The following CSNK1G1 variants were observed in gnomAD, a reference collection of about 807,000 sequenced individuals.
CSNK1G1 encodes casein kinase 1 gamma 1.
In CSNK1G1, 22 loss-of-function variants were observed where a neutral mutation model predicts 59.6. The ratio of observed to expected loss-of-function variants is 0.37; its 90% confidence interval spans 0.26 to 0.53. CSNK1G1 has a LOEUF of 0.53. CSNK1G1 is among the 20% of genes least tolerant of loss of function. CSNK1G1 has a pLI of 0.89. For missense variants in CSNK1G1, 384 were observed against 519.5 expected, an observed-to-expected ratio of 0.74 and a Z score of 2.54; for synonymous variants, 179 against 177.1, an observed-to-expected ratio of 1.01 and a Z score of -0.08.
chr15:64,270,027 G>C (rs1430847636), intron 2 of CSNK1G1, among the ~76,000 whole-genome samples: 1 of 152,006 alleles, frequency 6.6e-6, no homozygotes, highest in Non-Finnish European at 1.5e-5. Flanking sequence ...GGCTGGTCTT[G>C]AACTCCTGAC....
intron 7 of CSNK1G1, among the ~76,000 whole-genome samples, chr15:64,206,310 T>G (rs1311365082): frequency 6.6e-6 from 1 of 151,954 alleles, no homozygotes. Context: ...TGTGGTGGCG[T>G]GTGCCTGTAG....
intron 2 of CSNK1G1, among the ~76,000 whole-genome samples, chr15:64,262,338 G>A (rs1044391932): frequency 2.0e-5 from 3 of 152,238 alleles, no homozygotes; most frequent in East Asian, 1.9e-4. Context: ...TGGATACGGA[G>A]GGTAGTGAAT....
At chr15:64,198,247 T>G (rs928054077) in intron 10 of CSNK1G1, among the ~76,000 whole-genome samples, 11 of 142,818 alleles carry the variant, frequency 7.7e-5, no homozygotes, top group Admixed American at 3.0e-4. Flanking sequence ...CCGGCTGGAG[T>G]GCAGTGGCAC....
intron 4 of CSNK1G1, among the ~76,000 whole-genome samples, chr15:64,239,806 CCAAA>C (rs1797799987): frequency 1.3e-5 from 2 of 152,040 alleles, no homozygotes; most frequent in East Asian, 1.9e-4. Context: ...TAGAAAAGAA[CCAAA>C]CAGATTTCCC....
At chr15:64,263,822 C>CAAAAAA (rs869123397) in intron 2 of CSNK1G1, among the ~76,000 whole-genome samples, 3 of 53,804 alleles carry the variant, frequency 5.6e-5, no homozygotes, top group Non-Finnish European at 9.8e-5. Context: ...TTTTGTTTAC[C>CAAAAAA]AAAAAAAAAA....
intron 6 of CSNK1G1, 42 bp from the exon 7 acceptor site, chr15:64,207,636 A>G: frequency 6.6e-7 from 1 of 1,507,268 alleles, no homozygotes; most frequent in Non-Finnish European, 9.2e-7. Flanking sequence ...TGCAGTTATT[A>G]AAGCAGAAAG....
intron 10 of CSNK1G1, among the ~76,000 whole-genome samples, chr15:64,186,444 A>C (rs1329200351): frequency 6.6e-6 from 1 of 152,206 alleles, no homozygotes; most frequent in Non-Finnish European, 1.5e-5. Context: ...CTGATAACAC[A>C]CATCCTCATG....
At chr15:64,278,410 GTGTGTGTGTATATATA>G (rs1893901854) in intron 2 of CSNK1G1, among the ~76,000 whole-genome samples, 3 of 114,934 alleles carry the variant, frequency 2.6e-5, no homozygotes, top group African/African-American at 8.7e-5. Context: ...GTGTGTGTGT[GTGTGTGTGTATATATA>G]TATATATTTT....
At chr15:64,224,885 TG>T (rs1265340194) in intron 4 of CSNK1G1, among the ~76,000 whole-genome samples, 1 of 152,112 alleles carries the variant, frequency 6.6e-6, no homozygotes, top group Non-Finnish European at 1.5e-5. Flanking sequence ...TAATTATGAA[TG>T]CCTTGAGCCT....
intron 2 of CSNK1G1, among the ~76,000 whole-genome samples, chr15:64,272,392 A>G (rs1893365303): frequency 6.6e-6 from 1 of 151,468 alleles, no homozygotes; most frequent in Non-Finnish European, 1.5e-5. Flanking sequence ...ATTTTTTTGT[A>G]TTTTTTAGTA....
intron 4 of CSNK1G1, among the ~76,000 whole-genome samples, chr15:64,221,978 T>C (rs1297901501): frequency 6.6e-6 from 1 of 152,126 alleles, no homozygotes; most frequent in African/African-American, 2.4e-5. Flanking sequence ...CATGCACATG[T>C]ATGTTTACTG....
intron 7 of CSNK1G1, among the ~76,000 whole-genome samples, chr15:64,205,605 A>G (rs2082166831): frequency 6.6e-6 from 1 of 152,242 alleles, no homozygotes; most frequent in Non-Finnish European, 1.5e-5. Flanking sequence ...GTCAGGCTTT[A>G]CCTAGCTTGC....
chr15:64,307,121 T>G (rs1487106227), intron 1 of CSNK1G1, among the ~76,000 whole-genome samples: 1 of 152,140 alleles, frequency 6.6e-6, no homozygotes, highest in Non-Finnish European at 1.5e-5. Flanking sequence ...GTGTAATACA[T>G]TCTATCTAAT....
At chr15:64,179,926 C>T (rs1416598872) in intron 11 of CSNK1G1, 2 of 165,268 alleles carry the variant, frequency 1.2e-5, no homozygotes, top group Non-Finnish European at 2.7e-5. Context: ...CAAAATGGCC[C>T]TGAACTCCTT....
intron 10 of CSNK1G1, among the ~76,000 whole-genome samples, chr15:64,199,250 C>CA (rs56819260): frequency 0.11 from 5,602 of 52,140 alleles, 672 homozygotes; most frequent in African/African-American, 0.31. Flanking sequence ...AATCTTTTCT[C>CA]AAAAAAAAAA....
chr15:64,198,962 A>T (rs1473776312), intron 10 of CSNK1G1, among the ~76,000 whole-genome samples: 1 of 151,844 alleles, frequency 6.6e-6, no homozygotes, highest in African/African-American at 2.4e-5. Flanking sequence ...CTCTAAAATT[A>T]AAAAAATAGG....
At chr15:64,245,325 G>T (rs904587561) in intron 4 of CSNK1G1, among the ~76,000 whole-genome samples, 23 of 152,082 alleles carry the variant, frequency 1.5e-4, no homozygotes, top group Non-Finnish European at 2.9e-5. Flanking sequence ...TAGAATAAGA[G>T]AAAATATAAT....
intron 4 of CSNK1G1, among the ~76,000 whole-genome samples, chr15:64,228,075 TC>T (rs1399826892): frequency 3.9e-5 from 6 of 152,094 alleles, no homozygotes; most frequent in Non-Finnish European, 5.9e-5. Flanking sequence ...CCTTTTGGCT[TC>T]CCTTATTTTT....
chr15:64,273,639 G>A (rs938759158), intron 2 of CSNK1G1, among the ~76,000 whole-genome samples: 1 of 151,826 alleles, frequency 6.6e-6, no homozygotes, highest in Admixed American at 6.6e-5. Flanking sequence ...TAAATGAGGG[G>A]TGTCCAACCT....
Sources: gnomAD v4.1 joint callset for allele counts (sites outside exome capture counted in the v4.1 genomes callset) on GRCh38, gnomAD v4.1.1 for gene constraint, MANE v1.5 for transcripts, NCBI Gene and HGNC (gene_info 2026-07-23, HGNC 2026-07-21) for gene names.